CLYBL: variants seen among roughly 807,000 people sequenced by gnomAD.
The protein encoded by CLYBL is citramalyl-CoA lyase, also known as citramalyl-CoA lyase, mitochondrial.
A neutral mutation model predicts 38.9 loss-of-function variants in CLYBL; 31 were observed. That is an observed-to-expected ratio of 0.80 (90% CI 0.60 to 1.08). CLYBL has a LOEUF of 1.08. Ranked by LOEUF, CLYBL falls within the 50% of genes least tolerant of loss-of-function variation. The pLI, the probability that CLYBL is intolerant of heterozygous loss-of-function variation, is 0.00. For missense variants in CLYBL, 434 were observed against 411.6 expected (o/e 1.05, Z -0.47); for synonymous variants, 171 against 158.6 (o/e 1.08, Z -0.59).
chr13:99,616,387 TC>T lies in CLYBL; in HGVS notation c.62+9632del, dbSNP rs79694114. On this transcript the variant is annotated intron_variant, in intron 1 of 8. Coordinates refer to ENST00000339105, the MANE Select transcript of CLYBL (RefSeq NM_206808.5). ...GAGCAGTGATGATGTTCACTGTTGT[TC>T]CACATGACTCTAGCACATATATATT... 8.5e-4 allele frequency among the ~76,000 whole-genome samples: 130 copies of T among 152,330 alleles called. 1 individual carries two copies. In the East Asian group the frequency reaches 0.016, roughly 19 times the overall value.
At chr13:99,811,126 C>T (rs1426025942) in intron 2 of CLYBL, among the ~76,000 whole-genome samples, 1 of 152,162 alleles carries the variant, frequency 6.6e-6, no homozygotes, top group Non-Finnish European at 1.5e-5. Context: ...TCCATCAATC[C>T]CAAAGCCAGC....
At chr13:99,907,256 G>A (rs2052706822) in intron 9 of CLYBL, among the ~76,000 whole-genome samples, 1 of 152,102 alleles carries the variant, frequency 6.6e-6, no homozygotes, top group Non-Finnish European at 1.5e-5. Flanking sequence ...TAACATCCCT[G>A]TGCCTCAGTC....
chr13:99,680,243 C>T lies in CLYBL; in HGVS notation c.62+73486C>T, dbSNP rs75377956. 1.1e-3 allele frequency among the ~76,000 whole-genome samples: 170 copies of T among 152,288 alleles called. 1 individual carries two copies. The highest frequency in any genetic ancestry group is 3.8e-3 in the African/African-American group (160 of 41,560). On this transcript the variant is annotated intron_variant, in intron 1 of 8. Coordinates refer to ENST00000339105, the MANE Select transcript of CLYBL (RefSeq NM_206808.5). ...TGACACCCATTTTTAATTTCTAGAG[C>T]ACCATTTGTACTTCTCTGTGGTTTT... is the stretch of plus-strand genomic sequence containing the variant.
In CLYBL at chr13:99,757,792, G is replaced by A. The variant is rs1482648942; in HGVS notation, c.63-15032G>A. On this transcript the variant is annotated intron_variant, in intron 1 of 8. Coordinates refer to ENST00000339105, the MANE Select transcript of CLYBL (RefSeq NM_206808.5). ...AACTTTTAAACGTTCCATAGCCTAG[G>A]TTTTATCCCAGACCAATTATGTCAA... Among the ~76,000 whole-genome samples the A allele has an allele frequency of 2.0e-5, 3 of 152,146 alleles. No homozygotes were observed. In the East Asian group the frequency reaches 5.8e-4, roughly 29 times the overall value.
intron 2 of CLYBL, among the ~76,000 whole-genome samples, chr13:99,858,206 GA>G (rs1026353071): frequency 3.9e-5 from 6 of 151,928 alleles, no homozygotes; most frequent in African/African-American, 1.2e-4. Context: ...TCAAGTCAAA[GA>G]AAAAAAAAGT....
At chr13:99,781,744 C>G (rs368079520) in intron 2 of CLYBL, among the ~76,000 whole-genome samples, 1 of 152,152 alleles carries the variant, frequency 6.6e-6, no homozygotes, top group Non-Finnish European at 1.5e-5. Flanking sequence ...TCCCAAAGTT[C>G]GAGGATTACA....
At chr13:99,833,835 T>A (rs539906070) in intron 2 of CLYBL, among the ~76,000 whole-genome samples, 113 of 151,892 alleles carry the variant, frequency 7.4e-4, no homozygotes, top group African/African-American at 2.6e-3. Context: ...CCCGAATAGC[T>A]GGGATTCAGG....
At chr13:99,906,415 C>T (rs9300573) in intron 9 of CLYBL, among the ~76,000 whole-genome samples, 109,632 of 151,168 alleles carry the variant, frequency 0.73, 40,035 homozygotes, top group Middle Eastern at 0.76. Flanking sequence ...CTGAAGGACC[C>T]CCAGAGCTTT....
At chr13:99,819,071 C>T (rs145305978) in intron 2 of CLYBL, among the ~76,000 whole-genome samples, 47 of 152,156 alleles carry the variant, frequency 3.1e-4, no homozygotes, top group African/African-American at 1.1e-3. Context: ...ATAGGCCAGG[C>T]GTGGTGGCTC....
intron 2 of CLYBL, among the ~76,000 whole-genome samples, chr13:99,774,848 G>A (rs1352153650): frequency 1.3e-5 from 2 of 152,136 alleles, no homozygotes; most frequent in Non-Finnish European, 2.9e-5. Flanking sequence ...TCTGAAGGCT[G>A]TAATATGATT....
downstream of CLYBL, chr13:99,895,715 G>A (rs1019299328): frequency 6.6e-6 from 1 of 152,146 alleles, no homozygotes; most frequent in African/African-American, 2.4e-5. Context: ...ATCGCCTTCC[G>A]AGTCAGTAAG....
intron 1 of CLYBL, among the ~76,000 whole-genome samples, chr13:99,649,789 C>T (rs185557259): frequency 1.3e-5 from 2 of 151,274 alleles, no homozygotes; most frequent in Admixed American, 1.3e-4. Context: ...CACTTGAGCC[C>T]AGAAGTTGGA....
intron 2 of CLYBL, among the ~76,000 whole-genome samples, chr13:99,786,923 A>G (rs1323347184): frequency 6.6e-6 from 1 of 151,774 alleles, no homozygotes; most frequent in Non-Finnish European, 1.5e-5. Flanking sequence ...ATGGTATCTC[A>G]TTGTGGTTTT....
chr13:99,833,145 G>A (rs144500731), intron 2 of CLYBL, among the ~76,000 whole-genome samples: 1,574 of 144,188 alleles, frequency 0.011, 27 homozygotes, highest in African/African-American at 0.039. Context: ...AGGTTCAAGC[G>A]ATTCTCCTGC....
chr13:99,900,174 G>A (rs552208089), downstream of CLYBL, among the ~76,000 whole-genome samples: 11 of 144,810 alleles, frequency 7.6e-5, no homozygotes, highest in South Asian at 2.0e-3. Flanking sequence ...TGATCCACCC[G>A]CCTCGGCCTC....
At chr13:99,633,971 G>T (rs1182121811) in intron 1 of CLYBL, among the ~76,000 whole-genome samples, 1 of 152,080 alleles carries the variant, frequency 6.6e-6, no homozygotes, top group Admixed American at 6.5e-5. Flanking sequence ...AAATATTTGA[G>T]GGGATAATGA....
At chr13:99,661,505 T>G (rs988127683) in intron 1 of CLYBL, among the ~76,000 whole-genome samples, 2 of 152,212 alleles carry the variant, frequency 1.3e-5, no homozygotes, top group Non-Finnish European at 2.9e-5. Flanking sequence ...ACCTGTATAT[T>G]TATTTTTTTA....
chr13:99,694,719 G>A lies in CLYBL; in HGVS notation c.63-78105G>A, dbSNP rs191500386. 3.8e-3 allele frequency among the ~76,000 whole-genome samples: 573 copies of A among 152,310 alleles called. 4 individuals are homozygous for A. Among genetic ancestry groups the A allele is most frequent in the Non-Finnish European group, 5.5e-3 (372 of 68,032 alleles). On this transcript the variant is annotated intron_variant, in intron 1 of 8. Coordinates refer to ENST00000339105, the MANE Select transcript of CLYBL (RefSeq NM_206808.5). ...TGTGTGTCCTGGCTCCATGCTGTGA[G>A]GGGCTCCCTGTAATTAAACACGTTT...
chr13:99,616,446 C>G (rs2046712245), intron 1 of CLYBL, among the ~76,000 whole-genome samples: 2 of 152,152 alleles, frequency 1.3e-5, no homozygotes, highest in Non-Finnish European at 2.9e-5. Flanking sequence ...TTCATTTAGT[C>G]TGTTTCCAGG....
Sources: gnomAD v4.1 joint callset for allele counts (sites outside exome capture counted in the v4.1 genomes callset) on GRCh38, gnomAD v4.1.1 for gene constraint, MANE v1.5 for transcripts, NCBI Gene and HGNC (gene_info 2026-07-23, HGNC 2026-07-21) for gene names.